Variants in HK1 observed in about 807,000 individuals in gnomAD.
HK1 encodes hexokinase 1.
A neutral mutation model predicts 91.6 loss-of-function variants in HK1; 28 were observed. The observed-to-expected ratio is 0.31, with a 90% CI of 0.23 to 0.42. HK1 has a LOEUF of 0.42. Among genes scored for constraint, HK1 ranks in the 10% least tolerant of loss-of-function variants. The pLI, the probability that HK1 is intolerant of heterozygous loss-of-function variation, is 1.00. For synonymous variants in HK1, 430 were observed against 468.1 expected, an observed-to-expected ratio of 0.92 and a Z score of 1.05; for missense variants, 770 against 1,219.8, an observed-to-expected ratio of 0.63 and a Z score of 5.49.
upstream of HK1, among the ~76,000 whole-genome samples, chr10:69,311,175 GTTCTA>G (rs1430943919): frequency 2.6e-5 from 4 of 152,216 alleles, no homozygotes; most frequent in Non-Finnish European, 5.9e-5. Context: ...TAGAGAGTCT[GTTCTA>G]TTCTATCAGT....
At chr10:69,366,881 T>A (rs184397620) in intron 4 of HK1, among the ~76,000 whole-genome samples, 2 of 152,352 alleles carry the variant, frequency 1.3e-5, no homozygotes, top group Admixed American at 1.3e-4. Context: ...CACCGTTGTT[T>A]ACATGTGCTC....
chr10:69,384,647 G>A, intron 11 of HK1, 149 bp from the exon 12 acceptor site: 1 of 1,410,990 alleles, frequency 7.1e-7, no homozygotes. Context: ...CACTCTGGTG[G>A]CTGAGAAGAT....
At chr10:69,273,226 AT>A (rs1844265638) in intron 1 of HK1, among the ~76,000 whole-genome samples, 3 of 148,798 alleles carry the variant, frequency 2.0e-5, no homozygotes, top group Admixed American at 2.0e-4. Flanking sequence ...TTATTCATTT[AT>A]TTATTTGAGA....
intron 4 of HK1, among the ~76,000 whole-genome samples, chr10:69,366,419 G>A (rs991369263): frequency 6.6e-6 from 1 of 152,082 alleles, no homozygotes; most frequent in African/African-American, 2.4e-5. Flanking sequence ...GCTTCCTGTG[G>A]CTGGAACCCT....
intron 3 of HK1, among the ~76,000 whole-genome samples, chr10:69,361,993 T>C (rs1849448619): frequency 6.6e-6 from 1 of 152,104 alleles, no homozygotes; most frequent in Non-Finnish European, 1.5e-5. Flanking sequence ...AATTTTGTAT[T>C]GTTCGTAGAG....
intron 2 of HK1, among the ~76,000 whole-genome samples, chr10:69,353,221 A>C (rs914235985): frequency 1.3e-5 from 2 of 152,096 alleles, no homozygotes; most frequent in Non-Finnish European, 2.9e-5. Context: ...GGAGGGAGAG[A>C]GCCTGAAAAT....
At chr10:69,304,408 A>G (rs1216027898) in intron 5 of HK1, among the ~76,000 whole-genome samples, 2 of 151,930 alleles carry the variant, frequency 1.3e-5, no homozygotes, top group East Asian at 3.9e-4. Context: ...CCTGGATTCA[A>G]GCGATTCTCC....
chr10:69,376,525 A>C (rs947504737), intron 7 of HK1, among the ~76,000 whole-genome samples: 2 of 152,176 alleles, frequency 1.3e-5, no homozygotes, highest in Non-Finnish European at 2.9e-5. Context: ...ATAAGTAAAT[A>C]CATACATACG....
intron 3 of HK1, among the ~76,000 whole-genome samples, chr10:69,361,299 C>T (rs944451871): frequency 6.6e-6 from 1 of 152,244 alleles, no homozygotes; most frequent in Admixed American, 6.5e-5. Context: ...CTGCTACTCC[C>T]ATTACTGGGG....
intron 1 of HK1, among the ~76,000 whole-genome samples, chr10:69,332,977 A>C (rs887062562): frequency 6.6e-6 from 1 of 152,060 alleles, no homozygotes; most frequent in East Asian, 1.9e-4. Context: ...GACCATCTGC[A>C]TGTCTGTGTG....
At chr10:69,299,155 C>T (rs989296586) in intron 4 of HK1, among the ~76,000 whole-genome samples, 1 of 150,986 alleles carries the variant, frequency 6.6e-6, no homozygotes, top group South Asian at 2.1e-4. Flanking sequence ...CAGTCAAACA[C>T]ACAAATTCTG....
intron 3 of HK1, among the ~76,000 whole-genome samples, chr10:69,364,143 G>A (rs911490033): frequency 1.4e-4 from 21 of 152,268 alleles, no homozygotes; most frequent in African/African-American, 5.1e-4. Context: ...TGCAGGGGCA[G>A]AAGGGGGCAT....
intron 10 of HK1, among the ~76,000 whole-genome samples, chr10:69,383,590 TCTG>T (rs1272193705): frequency 6.6e-6 from 1 of 152,256 alleles, no homozygotes; most frequent in Non-Finnish European, 1.5e-5. Flanking sequence ...GTTGGACAGT[TCTG>T]CTCATCAGGG....
At chr10:69,387,187 A>G (rs1362466105) in intron 13 of HK1, among the ~76,000 whole-genome samples, 2 of 152,264 alleles carry the variant, frequency 1.3e-5, no homozygotes, top group Non-Finnish European at 2.9e-5. Flanking sequence ...GGTTCCTGAC[A>G]ATATCCAATC....
intron 4 of HK1, among the ~76,000 whole-genome samples, chr10:69,298,232 A>G (rs1212215012): frequency 6.6e-6 from 1 of 151,796 alleles, no homozygotes; most frequent in Non-Finnish European, 1.5e-5. Context: ...AGAAAAAAAA[A>G]GAATTGCTTG....
At chr10:69,276,118 A>AATATATATATATATATATATAT (rs1554874322) in intron 1 of HK1, among the ~76,000 whole-genome samples, 2 of 38,260 alleles carry the variant, frequency 5.2e-5, no homozygotes, top group Non-Finnish European at 5.1e-5. Flanking sequence ...AAAAAAAAAA[A>AATATATATATATATATATATAT]ATACATATAT....
chr10:69,293,578 A>G (rs1845395512), intron 3 of HK1, among the ~76,000 whole-genome samples: 1 of 152,214 alleles, frequency 6.6e-6, no homozygotes, highest in Non-Finnish European at 1.5e-5. Flanking sequence ...TTTACCGGCA[A>G]TCCTGTGAGT....
At chr10:69,323,675 C>G (rs1333417824) in intron 1 of HK1, among the ~76,000 whole-genome samples, 1 of 152,098 alleles carries the variant, frequency 6.6e-6, no homozygotes, top group Non-Finnish European at 1.5e-5. Context: ...AGGGTTTCTC[C>G]CAAGAGAAGC....
intron 13 of HK1, 185 bp downstream of exon 13, chr10:69,386,603 G>A (rs570296175): frequency 1.3e-5 from 6 of 460,742 alleles, no homozygotes; most frequent in African/African-American, 1.0e-4. Flanking sequence ...GCAATATGGT[G>A]AAACCCTGTC....
Sources: allele counts gnomAD v4.1 joint callset (sites outside exome capture counted in the v4.1 genomes callset), GRCh38; gene constraint gnomAD v4.1.1; transcripts MANE v1.5; gene names NCBI Gene and HGNC (gene_info 2026-07-23, HGNC 2026-07-21).